LINGO2: variants seen among roughly 807,000 people sequenced by gnomAD.
The protein encoded by LINGO2 is leucine rich repeat and Ig domain containing 2.
Under a neutral mutation model 30.6 loss-of-function variants are expected in LINGO2, and 14 were observed. The observed-to-expected ratio is 0.46, with a 90% CI of 0.30 to 0.72. The LOEUF (loss-of-function observed/expected upper bound fraction) is 0.72, where lower values mean the gene tolerates loss of function less well. LINGO2 is among the 30% of genes least tolerant of loss of function. LINGO2 has a pLI of 0.07. For missense variants in LINGO2, 729 were observed against 751.7 expected, an observed-to-expected ratio of 0.97 and a Z score of 0.35; for synonymous variants, 317 against 288.5, an observed-to-expected ratio of 1.10 and a Z score of -1.00.
At chr9:28,047,868 G>A (rs1028814363) in intron 4 of LINGO2, among the ~76,000 whole-genome samples, 9 of 150,680 alleles carry the variant, frequency 6.0e-5, no homozygotes, top group South Asian at 2.1e-4. Context: ...GCCAGAATGG[G>A]ACTAAAAATT....
chr9:28,044,879 A>T (rs1824347670), intron 4 of LINGO2, among the ~76,000 whole-genome samples: 2 of 152,034 alleles, frequency 1.3e-5, no homozygotes, highest in Admixed American at 1.3e-4. Flanking sequence ...TACTTAGAAA[A>T]TTTCACCTTT....
At chr9:28,149,914 G>A (rs12353027) in intron 4 of LINGO2, among the ~76,000 whole-genome samples, 6,369 of 141,098 alleles carry the variant, frequency 0.045, 427 homozygotes, top group African/African-American at 0.16. Context: ...CCTCGCCGCC[G>A]TCCTGTCTGC....
chr9:28,304,269 A>T (rs939513744), intron 3 of LINGO2, among the ~76,000 whole-genome samples: 4 of 150,514 alleles, frequency 2.7e-5, no homozygotes, highest in Admixed American at 2.0e-4. Context: ...TATAAAATGT[A>T]TAATTCTAAA....
chr9:28,354,354 A>C (rs976495402), intron 3 of LINGO2, among the ~76,000 whole-genome samples: 1 of 152,186 alleles, frequency 6.6e-6, no homozygotes, highest in Admixed American at 6.5e-5. Flanking sequence ...CTATTGCTTC[A>C]GAAATATAAA....
chr9:29,169,211 G>A, the LINGO2 span, among the ~76,000 whole-genome samples: 1 of 152,136 alleles, frequency 6.6e-6, no homozygotes, highest in Non-Finnish European at 1.5e-5. Context: ...GCCTCCCAAA[G>A]TGCTAGGATT....
intron 4 of LINGO2, among the ~76,000 whole-genome samples, chr9:28,134,999 G>T (rs1238973193): frequency 6.6e-6 from 1 of 152,158 alleles, no homozygotes; most frequent in Non-Finnish European, 1.5e-5. Flanking sequence ...AGGCTGCATA[G>T]GCCCACACCA....
chr9:29,071,848 T>C, the LINGO2 span, among the ~76,000 whole-genome samples: 1 of 152,074 alleles, frequency 6.6e-6, no homozygotes, highest in Non-Finnish European at 1.5e-5. Flanking sequence ...AATCCTAGTA[T>C]ATTTATGCTC....
At chr9:28,214,507 CA>C (rs1820698643) in intron 4 of LINGO2, among the ~76,000 whole-genome samples, 1 of 151,582 alleles carries the variant, frequency 6.6e-6, no homozygotes, top group Non-Finnish European at 1.5e-5. Context: ...AAAAGTCCCT[CA>C]GGGAGCTTTT....
chr9:28,385,784 C>T (rs1193538664), intron 2 of LINGO2, among the ~76,000 whole-genome samples: 1 of 152,000 alleles, frequency 6.6e-6, no homozygotes, highest in Non-Finnish European at 1.5e-5. Context: ...TAGGCTTAGG[C>T]ACAGATTCAG....
chr9:28,459,175 C>T (rs1587703172), intron 2 of LINGO2, among the ~76,000 whole-genome samples: 1 of 151,570 alleles, frequency 6.6e-6, no homozygotes, highest in African/African-American at 2.4e-5. Context: ...TAGTAAACTT[C>T]AAAAGGCAAT....
At chr9:28,238,043 T>C (rs1460922090) in intron 4 of LINGO2, among the ~76,000 whole-genome samples, 1 of 152,018 alleles carries the variant, frequency 6.6e-6, no homozygotes, top group Non-Finnish European at 1.5e-5. Context: ...AGAAGGTAAT[T>C]ACATACTGAT....
intron 1 of LINGO2, among the ~76,000 whole-genome samples, chr9:28,502,584 A>C (rs575715033): frequency 1.3e-5 from 2 of 152,196 alleles, no homozygotes; most frequent in African/African-American, 4.8e-5. Context: ...ACAACAAAAA[A>C]CTATAAAATA....
At chr9:28,998,302 G>T in the LINGO2 span, among the ~76,000 whole-genome samples, 4 of 152,152 alleles carry the variant, frequency 2.6e-5, no homozygotes, top group African/African-American at 9.7e-5. Context: ...AACAAAATGT[G>T]GGGATAAGAC....
chr9:28,009,573 CAAG>C (rs1201999933), intron 5 of LINGO2, among the ~76,000 whole-genome samples: 2 of 151,872 alleles, frequency 1.3e-5, no homozygotes, highest in South Asian at 2.1e-4. Context: ...ATATGTCTCC[CAAG>C]AAGATTTTAA....
At chr9:28,997,562 G>T in the LINGO2 span, among the ~76,000 whole-genome samples, 1 of 151,902 alleles carries the variant, frequency 6.6e-6, no homozygotes, top group African/African-American at 2.4e-5. Context: ...AGTGGCTCAT[G>T]CCTGTAATCC....
intron 1 of LINGO2, among the ~76,000 whole-genome samples, chr9:28,632,690 T>TTA (rs1191404939): frequency 4.6e-5 from 5 of 108,382 alleles, no homozygotes; most frequent in South Asian, 2.9e-4. Flanking sequence ...AAAAATATAT[T>TTA]TATATAGATC....
At chr9:28,766,447 G>GAA in the LINGO2 span, among the ~76,000 whole-genome samples, 112 of 144,552 alleles carry the variant, frequency 7.7e-4, no homozygotes, top group South Asian at 7.6e-3. Context: ...AAGATGTGAA[G>GAA]AAAAAAAAAA....
chr9:29,203,863 T>C, the LINGO2 span, among the ~76,000 whole-genome samples: 1 of 152,330 alleles, frequency 6.6e-6, no homozygotes, highest in East Asian at 1.9e-4. Flanking sequence ...GTTCCTTCAC[T>C]TTGTGTATTA....
At chr9:28,009,803 G>A (rs750864999) in intron 5 of LINGO2, among the ~76,000 whole-genome samples, 3 of 152,130 alleles carry the variant, frequency 2.0e-5, no homozygotes, top group Non-Finnish European at 4.4e-5. Flanking sequence ...CAACAGTTTG[G>A]CAGTTTCTCA....
Sources: gnomAD v4.1 joint callset for allele counts (sites outside exome capture counted in the v4.1 genomes callset) on GRCh38, gnomAD v4.1.1 for gene constraint, MANE v1.5 for transcripts, NCBI Gene and HGNC (gene_info 2026-07-23, HGNC 2026-07-21) for gene names.